Variants in SNTG1 observed in about 807,000 individuals in gnomAD.
The protein encoded by SNTG1 is gamma-1-syntrophin.
SNTG1 carries 39 observed loss-of-function variants against 74.7 expected under a neutral mutation model. That is an observed-to-expected ratio of 0.52 (90% CI 0.40 to 0.68). The LOEUF (loss-of-function observed/expected upper bound fraction) is 0.68, where lower values mean the gene tolerates loss of function less well. Among genes scored for constraint, SNTG1 ranks in the 30% least tolerant of loss-of-function variants. The pLI is 0.00. For synonymous variants in SNTG1, 254 were observed against 217.1 expected (o/e 1.17, Z -1.49); for missense variants, 685 against 609.5 (o/e 1.12, Z -1.30).
intron 1 of SNTG1, among the ~76,000 whole-genome samples, chr8:50,020,999 A>C (rs535716531): frequency 1.3e-5 from 2 of 152,288 alleles, no homozygotes; most frequent in African/African-American, 4.8e-5. Context: ...CCTTTTAGCC[A>C]TTGATATGAC....
intron 2 of SNTG1, among the ~76,000 whole-genome samples, chr8:50,247,661 A>C (rs981654263): frequency 6.8e-6 from 1 of 146,580 alleles, no homozygotes; most frequent in Admixed American, 7.1e-5. Context: ...GCATTCCACC[A>C]GTCCCAGCTA....
chr8:50,477,510 G>T (rs541627654), intron 8 of SNTG1, among the ~76,000 whole-genome samples: 2 of 152,176 alleles, frequency 1.3e-5, no homozygotes, highest in Non-Finnish European at 2.9e-5. Context: ...AAAATCTGGA[G>T]AAATTGTCAA....
At chr8:49,945,392 G>T (rs575396885) in intron 1 of SNTG1, among the ~76,000 whole-genome samples, 30 of 152,274 alleles carry the variant, frequency 2.0e-4, no homozygotes, top group Non-Finnish European at 3.5e-4. Flanking sequence ...ATTTTTAAAG[G>T]TAGTGTGGTC....
At chr8:50,714,806 G>T (rs1563775187) in intron 17 of SNTG1, among the ~76,000 whole-genome samples, 1 of 151,990 alleles carries the variant, frequency 6.6e-6, no homozygotes, top group Non-Finnish European at 1.5e-5. Flanking sequence ...AATTTACACA[G>T]TGGAAAGACC....
intron 2 of SNTG1, among the ~76,000 whole-genome samples, chr8:50,254,271 T>C (rs1006422464): frequency 6.6e-6 from 1 of 152,202 alleles, no homozygotes; most frequent in African/African-American, 2.4e-5. Context: ...TCTCGATCAA[T>C]ACAAATTTTT....
At chr8:50,407,725 G>A (rs2092897543) in intron 4 of SNTG1, among the ~76,000 whole-genome samples, 1 of 152,280 alleles carries the variant, frequency 6.6e-6, no homozygotes, top group South Asian at 2.1e-4. Context: ...TTTAATACTT[G>A]CAAGGCAGTG....
intron 18 of SNTG1, 140 bp from the exon 19 acceptor site, chr8:50,792,531 T>C: frequency 1.1e-6 from 1 of 880,238 alleles, no homozygotes; most frequent in Non-Finnish European, 1.7e-6. Context: ...CAAAAATGTC[T>C]ACATTTGAAA....
intron 2 of SNTG1, among the ~76,000 whole-genome samples, chr8:50,385,968 C>G (rs573338994): frequency 6.6e-6 from 1 of 152,248 alleles, no homozygotes; most frequent in East Asian, 1.9e-4. Flanking sequence ...CTTTTGAGTC[C>G]TCGATGATAG....
chr8:50,016,792 T>C (rs1816361288), intron 1 of SNTG1, among the ~76,000 whole-genome samples: 1 of 152,130 alleles, frequency 6.6e-6, no homozygotes, highest in East Asian at 1.9e-4. Flanking sequence ...TAAAATGATG[T>C]ATAACAAACC....
At chr8:50,360,296 G>A (rs1299135084) in intron 2 of SNTG1, among the ~76,000 whole-genome samples, 1 of 152,160 alleles carries the variant, frequency 6.6e-6, no homozygotes, top group Non-Finnish European at 1.5e-5. Flanking sequence ...TTGATGACTA[G>A]TAGTCATGTG....
At chr8:50,767,237 T>C (rs1337939716) in intron 18 of SNTG1, among the ~76,000 whole-genome samples, 1 of 151,996 alleles carries the variant, frequency 6.6e-6, no homozygotes, top group African/African-American at 2.4e-5. Flanking sequence ...ATGGTTTCTT[T>C]GGGGAATATT....
At chr8:50,731,728 T>G (rs949828927) in intron 17 of SNTG1, among the ~76,000 whole-genome samples, 1 of 152,142 alleles carries the variant, frequency 6.6e-6, no homozygotes, top group Non-Finnish European at 1.5e-5. Flanking sequence ...GCTCATCCTT[T>G]TCATCATTAA....
chr8:50,726,328 G>T (rs1047343138), intron 17 of SNTG1, among the ~76,000 whole-genome samples: 2 of 152,206 alleles, frequency 1.3e-5, no homozygotes, highest in Non-Finnish European at 2.9e-5. Context: ...TCAGCCAGTA[G>T]TGTGTTTTTG....
At chr8:50,150,443 G>T (rs2082026758) in intron 1 of SNTG1, among the ~76,000 whole-genome samples, 1 of 152,184 alleles carries the variant, frequency 6.6e-6, no homozygotes, top group Admixed American at 6.5e-5. Flanking sequence ...GAATAGGAGT[G>T]GTGAGAGAGG....
intron 2 of SNTG1, among the ~76,000 whole-genome samples, chr8:50,224,050 C>A (rs570221212): frequency 1.3e-5 from 2 of 151,142 alleles, no homozygotes; most frequent in East Asian, 3.9e-4. Context: ...GCAGCATTAT[C>A]AAAAAAACAA....
intron 5 of SNTG1, among the ~76,000 whole-genome samples, chr8:50,446,069 A>C (rs1279202215): frequency 2.6e-5 from 4 of 152,176 alleles, no homozygotes; most frequent in South Asian, 4.1e-4. Context: ...CAGGAGCTAC[A>C]CTGGAAGAGA....
At chr8:50,049,864 A>G (rs1053159610) in intron 1 of SNTG1, among the ~76,000 whole-genome samples, 1 of 152,110 alleles carries the variant, frequency 6.6e-6, no homozygotes, top group Non-Finnish European at 1.5e-5. Context: ...CATGGATCAA[A>G]GGAGAAGTCT....
intron 1 of SNTG1, among the ~76,000 whole-genome samples, chr8:50,168,714 G>A (rs1373471887): frequency 6.6e-6 from 1 of 152,108 alleles, no homozygotes; most frequent in African/African-American, 2.4e-5. Flanking sequence ...TCCTTTAAGA[G>A]ATAATACGAG....
chr8:50,436,890 G>T (rs2093309386), intron 4 of SNTG1, among the ~76,000 whole-genome samples: 1 of 151,996 alleles, frequency 6.6e-6, no homozygotes, highest in African/African-American at 2.4e-5. Context: ...ATATGTGTAG[G>T]TTTTGCGATA....
Sources: gnomAD v4.1 joint callset for allele counts (sites outside exome capture counted in the v4.1 genomes callset) on GRCh38, gnomAD v4.1.1 for gene constraint, MANE v1.5 for transcripts, NCBI Gene and HGNC (gene_info 2026-07-23, HGNC 2026-07-21) for gene names.